Variants in ARHGAP42 observed in about 807,000 individuals in gnomAD.
The protein encoded by ARHGAP42 is rho GTPase-activating protein 42.
Under a neutral mutation model 125.0 loss-of-function variants are expected in ARHGAP42, and 63 were observed. That is an observed-to-expected ratio of 0.50 (90% CI 0.41 to 0.62). ARHGAP42 has a LOEUF of 0.62. Ranked by LOEUF, ARHGAP42 falls within the 20% of genes least tolerant of loss-of-function variation. ARHGAP42 has a pLI of 0.00. For synonymous variants in ARHGAP42, 339 were observed against 351.0 expected, an observed-to-expected ratio of 0.97 and a Z score of 0.38; for missense variants, 766 against 1,024.2, an observed-to-expected ratio of 0.75 and a Z score of 3.44.
At chr11:100,749,799 C>T (rs977700589) in intron 1 of ARHGAP42, among the ~76,000 whole-genome samples, 2 of 152,136 alleles carry the variant, frequency 1.3e-5, no homozygotes. Flanking sequence ...CAAGTAGGGT[C>T]GTTTGTGATC....
At chr11:100,877,034 GA>G (rs1207457042) in intron 4 of ARHGAP42, among the ~76,000 whole-genome samples, 25 of 152,198 alleles carry the variant, frequency 1.6e-4, no homozygotes. Flanking sequence ...TTCAGGCATT[GA>G]AAAAACTTGC....
intron 4 of ARHGAP42, among the ~76,000 whole-genome samples, chr11:100,865,331 A>G (rs1865544172): frequency 2.6e-5 from 4 of 152,328 alleles, no homozygotes; most frequent in Middle Eastern, 3.4e-3. Flanking sequence ...GTGAAAAGTG[A>G]CTGCAGTCTA....
intron 1 of ARHGAP42, among the ~76,000 whole-genome samples, chr11:100,729,630 A>C (rs1338800584): frequency 6.6e-6 from 1 of 152,172 alleles, no homozygotes; most frequent in Non-Finnish European, 1.5e-5. Context: ...TGCATAGATA[A>C]ATTAAAGCTA....
At chr11:100,815,248 T>C (rs942568990) in intron 3 of ARHGAP42, among the ~76,000 whole-genome samples, 1 of 152,214 alleles carries the variant, frequency 6.6e-6, no homozygotes, top group African/African-American at 2.4e-5. Flanking sequence ...TAGCCTTTGT[T>C]TCATAGACAT....
intron 1 of ARHGAP42, among the ~76,000 whole-genome samples, chr11:100,769,308 G>C (rs1862914299): frequency 6.6e-6 from 1 of 152,188 alleles, no homozygotes; most frequent in Admixed American, 6.5e-5. Context: ...GCAAGTAAGT[G>C]GTGGGGCTTG....
At chr11:100,900,994 T>G (rs1209553985) in intron 4 of ARHGAP42, among the ~76,000 whole-genome samples, 1 of 152,176 alleles carries the variant, frequency 6.6e-6, no homozygotes, top group Admixed American at 6.5e-5. Flanking sequence ...ATTTTCAGCT[T>G]TTCTGCTCTG....
intron 2 of ARHGAP42, among the ~76,000 whole-genome samples, chr11:100,794,028 A>G (rs1263611502): frequency 7.6e-6 from 1 of 130,988 alleles, no homozygotes; most frequent in Admixed American, 9.4e-5. Context: ...GGCTGCAGTG[A>G]TTTCACCACT....
chr11:100,737,262 G>T (rs963036040), intron 1 of ARHGAP42, among the ~76,000 whole-genome samples: 2 of 152,136 alleles, frequency 1.3e-5, no homozygotes, highest in Admixed American at 1.3e-4. Context: ...AAGCATCTCT[G>T]CTTCCATTCC....
At chr11:100,709,914 C>T (rs1375846977) in intron 1 of ARHGAP42, among the ~76,000 whole-genome samples, 1 of 152,152 alleles carries the variant, frequency 6.6e-6, no homozygotes, top group Non-Finnish European at 1.5e-5. Context: ...AATCTGCATC[C>T]ATCTGTTATC....
At chr11:100,874,838 G>T (rs988150253) in intron 4 of ARHGAP42, among the ~76,000 whole-genome samples, 1 of 152,140 alleles carries the variant, frequency 6.6e-6, no homozygotes, top group Non-Finnish European at 1.5e-5. Context: ...GTCCCCAAAA[G>T]AAGTGTGGCA....
At chr11:100,802,424 CTTT>C (rs777832011) in intron 3 of ARHGAP42, among the ~76,000 whole-genome samples, 4 of 123,886 alleles carry the variant, frequency 3.2e-5, no homozygotes, top group Non-Finnish European at 3.3e-5. Flanking sequence ...TCCTTTCTTT[CTTT>C]TTTTTTTTTT....
intron 4 of ARHGAP42, among the ~76,000 whole-genome samples, chr11:100,903,296 G>A (rs1463217330): frequency 6.6e-6 from 1 of 151,576 alleles, no homozygotes; most frequent in Non-Finnish European, 1.5e-5. Context: ...AAATACATCT[G>A]TTATTTTTAG....
At chr11:100,899,501 A>G (rs1174939568) in intron 4 of ARHGAP42, among the ~76,000 whole-genome samples, 1 of 152,032 alleles carries the variant, frequency 6.6e-6, no homozygotes, top group Non-Finnish European at 1.5e-5. Flanking sequence ...GTCTTTAAGG[A>G]CTTGCTTTAT....
chr11:100,907,943 T>C (rs1866790800), intron 4 of ARHGAP42, among the ~76,000 whole-genome samples: 2 of 152,220 alleles, frequency 1.3e-5, no homozygotes, highest in Non-Finnish European at 2.9e-5. Flanking sequence ...GTAGTGCTTA[T>C]TTAGGTAATG....
intron 1 of ARHGAP42, among the ~76,000 whole-genome samples, chr11:100,701,286 A>C (rs1213131799): frequency 6.6e-6 from 1 of 152,092 alleles, no homozygotes; most frequent in East Asian, 1.9e-4. Context: ...TAAGGAGTCT[A>C]GGATTTTCAG....
intron 4 of ARHGAP42, among the ~76,000 whole-genome samples, chr11:100,891,803 A>G (rs905425590): frequency 3.3e-5 from 5 of 152,164 alleles, no homozygotes; most frequent in Admixed American, 1.3e-4. Context: ...TGCCATAGTA[A>G]ATGCCGAGTT....
At chr11:100,812,378 G>A (rs1298943272) in intron 3 of ARHGAP42, among the ~76,000 whole-genome samples, 2 of 152,128 alleles carry the variant, frequency 1.3e-5, no homozygotes, top group Non-Finnish European at 2.9e-5. Context: ...CTCTGGGCTG[G>A]ATATTGCTCC....
In ARHGAP42 at chr11:100,933,250, A is replaced by G. The variant is rs1435118099; in HGVS notation, c.692A>G (p.Asn231Ser). Residue 231 changes from asparagine (N) to serine (S), a missense_variant, in exon 7 of 24, where the codon AAC (asparagine) becomes AGC (serine). Asn to Ser is a conservative substitution (Grantham distance 46, BLOSUM62 1). Around this residue, in one of 3 missense-constraint regions of ARHGAP42, gnomAD observed 455 missense variants for 636.5 expected, o/e 0.71. Coordinates refer to ENST00000298815, the MANE Select transcript of ARHGAP42 (RefSeq NM_152432.4). ...FAPYKQQLQF[N>S]LQNTRNNFES... is the part of the protein sequence containing the mutation. ...CCGTATAAGCAACAGCTGCAGTTCAACTTGCAGAATGTAAGAGTATACCTG... is the reference window on the plus strand; with the variant it reads ...CCGTATAAGCAACAGCTGCAGTTCAGCTTGCAGAATGTAAGAGTATACCTG... The G allele has an allele frequency of 1.9e-6, 3 of 1,548,222 alleles. No homozygotes were observed. The highest frequency in any genetic ancestry group is 2.7e-5 in the African/African-American group (2 of 72,932).
intron 1 of ARHGAP42, among the ~76,000 whole-genome samples, chr11:100,741,900 A>T (rs1160354930): frequency 6.6e-6 from 1 of 152,184 alleles, no homozygotes; most frequent in Non-Finnish European, 1.5e-5. Context: ...GCCCAGGTTT[A>T]GAGGGAAATC....
Sources: gnomAD v4.1 joint callset for allele counts (sites outside exome capture counted in the v4.1 genomes callset) on GRCh38, gnomAD v4.1.1 for gene constraint, gnomAD v4.1.1 regional missense constraint, MANE v1.5 for transcripts, NCBI Gene and HGNC (gene_info 2026-07-23, HGNC 2026-07-21) for gene names.